FNIP1: variants seen among roughly 807,000 people sequenced by gnomAD.
FNIP1 encodes the protein folliculin interacting protein 1.
In FNIP1, 40 loss-of-function variants were observed where a neutral mutation model predicts 124.5. The observed-to-expected ratio is 0.32, with a 90% CI of 0.25 to 0.42. The LOEUF (loss-of-function observed/expected upper bound fraction) is 0.42, where lower values mean the gene tolerates loss of function less well. FNIP1 is among the 10% of genes least tolerant of loss of function. The pLI is 1.00. For synonymous variants in FNIP1, 472 were observed against 470.6 expected (o/e 1.00, Z -0.04); for missense variants, 1,176 against 1,403.7 (o/e 0.84, Z 2.59).
intron 13 of FNIP1, among the ~76,000 whole-genome samples, chr5:131,676,960 G>A (rs1374490360): frequency 6.6e-6 from 1 of 152,142 alleles, no homozygotes; most frequent in Non-Finnish European, 1.5e-5. Context: ...TCACCAAAAT[G>A]TTCTCATCTT....
intron 11 of FNIP1, among the ~76,000 whole-genome samples, chr5:131,696,547 C>T (rs767027191): frequency 1.3e-5 from 2 of 152,068 alleles, no homozygotes; most frequent in Non-Finnish European, 2.9e-5. Context: ...CTTAACACTA[C>T]TGAACTGTAC....
chr5:131,736,813 T>C (rs1484865961), intron 2 of FNIP1, among the ~76,000 whole-genome samples: 1 of 152,236 alleles, frequency 6.6e-6, no homozygotes, highest in African/African-American at 2.4e-5. Context: ...TCCTGAATTT[T>C]TGCTGTATTG....
chr5:131,743,109 G>A (rs1442940983), intron 2 of FNIP1, among the ~76,000 whole-genome samples: 5 of 152,052 alleles, frequency 3.3e-5, no homozygotes, highest in Admixed American at 6.5e-5. Context: ...TCTGATGGAG[G>A]AGAAAATAAA....
At chr5:131,647,931 A>G (rs560177804) in intron 16 of FNIP1, among the ~76,000 whole-genome samples, 8 of 152,132 alleles carry the variant, frequency 5.3e-5, no homozygotes, top group Admixed American at 2.6e-4. Context: ...TTTCAAATGT[A>G]TTTACATAGG....
At chr5:131,647,297 CTGTT>C (rs1290822027) in intron 16 of FNIP1, 92 bp from the exon 17 acceptor site, 6 of 902,368 alleles carry the variant, frequency 6.6e-6, no homozygotes, top group East Asian at 5.0e-5. Context: ...TTTGACAATT[CTGTT>C]TGTTTATTTC....
intron 15 of FNIP1, among the ~76,000 whole-genome samples, chr5:131,653,899 G>A (rs1302662449): frequency 3.3e-5 from 5 of 152,000 alleles, no homozygotes. Flanking sequence ...GTGCCACCAC[G>A]CCCGGCTAAT....
chr5:131,645,518 A>AT (rs141547965), intron 17 of FNIP1, among the ~76,000 whole-genome samples: 2,153 of 152,254 alleles, frequency 0.014, 39 homozygotes, highest in African/African-American at 0.046. Flanking sequence ...ATCAGATACC[A>AT]TTTTTTAGAT....
chr5:131,730,957 C>A lies in FNIP1; in HGVS notation c.301G>T (p.Asp101Tyr), dbSNP rs1770064884. The stretch of plus-strand genomic sequence containing the variant: ...TCAGAAGATGAAGTCACAGAACTAT[C>A]TAAAGAGGAAGAACTGTCTCCTCCA... The part of the protein sequence containing the change: ...KPGGDSSSSL[D>Y]SSVTSSSDIK... Residue 101 changes from aspartate (D) to tyrosine (Y), a missense_variant, in exon 3 of 18, where the codon GAT becomes TAT. By Grantham distance (160) the Asp-to-Tyr change is radical. Coordinates refer to ENST00000510461, the MANE Select transcript of FNIP1 (RefSeq NM_133372.3). The A allele has an allele frequency of 6.2e-7, 1 of 1,612,902 alleles. No individual in the cohort carries two copies. Among genetic ancestry groups the A allele is most frequent in the Non-Finnish European group, 8.5e-7 (1 of 1,179,376 alleles).
Position 131,735,640 on chromosome 5 carries a change from G to A in FNIP1, c.220-4602C>T, listed in dbSNP as rs142520339. ...TATTTATATATGTATACGTATATAC[G>A]TATATATGCACATATATATGTATAT... On this transcript the variant is annotated intron_variant, in intron 2 of 17. Transcript: ENST00000510461. 4.8e-3 allele frequency among the ~76,000 whole-genome samples: 704 copies of A among 147,752 alleles called. 8 individuals are homozygous for A. The highest frequency in any genetic ancestry group is 0.017 in the African/African-American group (663 of 40,140).
In FNIP1 at chr5:131,731,015, A is replaced by T. The variant is rs1770068609; in HGVS notation, c.243T>A (p.Val81=). 6.2e-7 allele frequency: 1 copy of T among 1,613,198 alleles called. No homozygotes were observed. Among genetic ancestry groups the T allele is most frequent in the Admixed American group, 1.7e-5 (1 of 59,846 alleles). ...SVSKLGSDAQ[V]KVFGKCCQLK... Reference sequence around the variant, plus strand: ...GTTGGCAGCATTTCCCAAAGACTTTAACTTGAGCATCACTGCCGAGTTTCT... The same window carrying T: ...GTTGGCAGCATTTCCCAAAGACTTTTACTTGAGCATCACTGCCGAGTTTCT... The change falls in exon 3 of 18, where the codon GTT becomes GTA. Residue 81 remains valine, a synonymous_variant. Coordinates refer to ENST00000510461, the MANE Select transcript of FNIP1 (RefSeq NM_133372.3).
At chr5:131,790,275 T>C (rs1772360714) in intron 1 of FNIP1, among the ~76,000 whole-genome samples, 1 of 151,990 alleles carries the variant, frequency 6.6e-6, no homozygotes, top group African/African-American at 2.4e-5. Flanking sequence ...AAGATCAGCC[T>C]CTATACTGGC....
chr5:131,768,404 T>C (rs1016184029), intron 1 of FNIP1, among the ~76,000 whole-genome samples: 3 of 151,856 alleles, frequency 2.0e-5, no homozygotes, highest in Non-Finnish European at 4.4e-5. Context: ...ACTGGAAGAA[T>C]GTTAAATGAG....
intron 17 of FNIP1, among the ~76,000 whole-genome samples, 166 bp from the exon 18 acceptor site, chr5:131,644,929 G>C (rs75160618): frequency 6.6e-6 from 1 of 152,294 alleles, no homozygotes; most frequent in African/African-American, 2.4e-5. Flanking sequence ...CAGAACTACA[G>C]ATACGAGTAA....
At chr5:131,719,230 T>C in intron 4 of FNIP1, 87 bp downstream of exon 4, 2 of 1,253,376 alleles carry the variant, frequency 1.6e-6, no homozygotes, top group Non-Finnish European at 2.3e-6. Flanking sequence ...AAGCTCAATC[T>C]GAGTGAAGAT....
At chr5:131,688,960 AGAC>A (rs932907659) in intron 11 of FNIP1, among the ~76,000 whole-genome samples, 1 of 152,042 alleles carries the variant, frequency 6.6e-6, no homozygotes, top group African/African-American at 2.4e-5. Context: ...AATTAGTAAC[AGAC>A]AACAAACCAT....
intron 2 of FNIP1, among the ~76,000 whole-genome samples, chr5:131,739,077 A>G (rs1770417919): frequency 1.3e-5 from 2 of 152,112 alleles, no homozygotes; most frequent in Admixed American, 1.3e-4. Context: ...TGACCTCCCA[A>G]AGTGCTGGGT....
chr5:131,680,945 G>A (rs1349453760), intron 11 of FNIP1, among the ~76,000 whole-genome samples: 1 of 152,086 alleles, frequency 6.6e-6, no homozygotes, highest in Admixed American at 6.5e-5. Context: ...GAGCTAATTT[G>A]CCCCACTAAA....
At chr5:131,727,144 T>C (rs1045280066) in intron 3 of FNIP1, among the ~76,000 whole-genome samples, 2 of 152,196 alleles carry the variant, frequency 1.3e-5, no homozygotes, top group African/African-American at 4.8e-5. Context: ...GGTGGAGAGT[T>C]CTGCAGATGT....
intron 1 of FNIP1, 84 bp downstream of exon 1, chr5:131,796,746 C>T (rs946835650): frequency 7.7e-7 from 1 of 1,306,282 alleles, no homozygotes; most frequent in East Asian, 2.7e-5. Flanking sequence ...CCGCTCGGGT[C>T]GGAACACCGA....
Sources: allele counts gnomAD v4.1 joint callset (sites outside exome capture counted in the v4.1 genomes callset), GRCh38; gene constraint gnomAD v4.1.1; transcripts MANE v1.5; gene names NCBI Gene and HGNC (gene_info 2026-07-23, HGNC 2026-07-21).